Variants in SMG1 observed in about 807,000 individuals in gnomAD.
SMG1 encodes serine/threonine-protein kinase SMG1.
In SMG1, 22 loss-of-function variants were observed where a neutral mutation model predicts 419.9. The observed-to-expected ratio is 0.05, with a 90% CI of 0.04 to 0.07. The LOEUF is 0.07. Ranked by LOEUF, SMG1 falls within the 10% of genes least tolerant of loss-of-function variation. SMG1 has a pLI of 1.00. For missense variants in SMG1, 3,185 were observed against 4,342.0 expected, an observed-to-expected ratio of 0.73 and a Z score of 7.49; for synonymous variants, 1,538 against 1,553.5, an observed-to-expected ratio of 0.99 and a Z score of 0.23.
Position 18,838,351 on chromosome 16 carries a change from G to A in SMG1, c.7194+6C>T, listed in dbSNP as rs535745404. 2.2e-5 allele frequency: 35 copies of A among 1,606,732 alleles called. No individual in the cohort carries two copies. Among genetic ancestry groups the A allele is most frequent in the Middle Eastern group, 3.3e-4 (2 of 6,010 alleles). On this transcript the variant is annotated splice_donor_region_variant and intron_variant, in intron 44 of 62. Coordinates refer to ENST00000446231, the MANE Select transcript of SMG1 (RefSeq NM_015092.5). Reference sequence around the variant, plus strand: ...ACACTAAAAGGGAGAAGAGAAAACAGCATACCTGCTCACATGAAAGCCTAA... The same window carrying A: ...ACACTAAAAGGGAGAAGAGAAAACAACATACCTGCTCACATGAAAGCCTAA...
chr16:18,905,796 G>A (rs1451804954), intron 1 of SMG1, among the ~76,000 whole-genome samples: 1 of 151,904 alleles, frequency 6.6e-6, no homozygotes, highest in Non-Finnish European at 1.5e-5. Context: ...ATTTTTAGTA[G>A]AGACGGGGTT....
At chr16:18,895,691 A>T (rs1044979842) in intron 3 of SMG1, among the ~76,000 whole-genome samples, 1 of 120,416 alleles carries the variant, frequency 8.3e-6, no homozygotes, top group African/African-American at 3.6e-5. Context: ...CTTAAAAGAG[A>T]AAAAAAAAAA....
intron 45 of SMG1, 89 bp downstream of exon 45, chr16:18,837,925 A>T: frequency 7.1e-7 from 1 of 1,412,104 alleles, no homozygotes; most frequent in Non-Finnish European, 9.7e-7. Context: ...CAAAAAAATT[A>T]GAGAAACAAT....
chr16:18,904,784 T>C (rs1395504313), intron 1 of SMG1, among the ~76,000 whole-genome samples: 2 of 144,358 alleles, frequency 1.4e-5, no homozygotes, highest in East Asian at 4.3e-4. Context: ...AAAATACAAA[T>C]ATCAGCCAGG....
At chr16:18,896,409 C>G (rs1278719670) in intron 2 of SMG1, among the ~76,000 whole-genome samples, 1 of 151,954 alleles carries the variant, frequency 6.6e-6, no homozygotes. Context: ...TATTTTGATC[C>G]CTTCATTGGA....
chr16:18,851,871 G>C (rs1030321805), intron 33 of SMG1, among the ~76,000 whole-genome samples, 196 bp downstream of exon 33: 1 of 151,944 alleles, frequency 6.6e-6, no homozygotes, highest in Non-Finnish European at 1.5e-5. Flanking sequence ...AGGACTCTAA[G>C]GAAATGCCTT....
In SMG1 at chr16:18,842,098, A is replaced by G. The variant is rs2033960744; in HGVS notation, c.6466+110T>C. On this transcript the variant is annotated intron_variant, in intron 40 of 62. Transcript: ENST00000446231. ...TATAGGGCACTGCAGGCTAATAATG[A>G]CATACAGAAATTCGCCTGAAATAAT... 8.4e-6 allele frequency: 10 copies of G among 1,187,804 alleles called. No homozygotes were observed. In the South Asian group the frequency reaches 1.6e-4, roughly 18 times the overall value. The allele number at this position is 1,187,804 out of a possible 1,614,324, so 73.6% of individuals were successfully genotyped here. A position where few individuals can be genotyped will look rare whatever the true frequency, so the allele number is the denominator to read the frequency against.
chr16:18,829,552 G>C lies in SMG1; in HGVS notation c.9337C>G (p.Leu3113Val). Residue 3113 changes from leucine (L) to valine (V), a missense_variant, in exon 54 of 63, where the codon CTG becomes GTG. This residue lies in a region of SMG1 where 737 missense variants were observed against 846.6 expected (regional missense o/e 0.87). Coordinates refer to ENST00000446231, the MANE Select transcript of SMG1 (RefSeq NM_015092.5). ...GLTLCSFISALGVDIIAQVEA... is the reference protein window; with the variant it reads ...GLTLCSFISAVGVDIIAQVEA... ...ACTTGAGCAATGATGTCTACACCCA[G>C]AGCACTGATAAAACTGCACAGTGTG... The C allele has an allele frequency of 6.2e-7, 1 of 1,614,006 alleles. No homozygotes were observed. The highest frequency in any genetic ancestry group is 8.5e-7 in the Non-Finnish European group (1 of 1,179,890).
chr16:18,835,913 A>C lies in SMG1; in HGVS notation c.8057+20T>G. The C allele has an allele frequency of 6.5e-7, 1 of 1,547,050 alleles. No homozygotes were observed. ...GACTCCGTCTCAAAAATAAAAGAAAATTAAGCACTATCAACTTACTTCCTA... is the reference window on the plus strand; with the variant it reads ...GACTCCGTCTCAAAAATAAAAGAAACTTAAGCACTATCAACTTACTTCCTA... On this transcript the variant is annotated intron_variant, in intron 48 of 62. Transcript: ENST00000446231.
At chr16:18,846,398 A>G (rs935251205) in intron 38 of SMG1, among the ~76,000 whole-genome samples, 2 of 152,218 alleles carry the variant, frequency 1.3e-5, no homozygotes, top group African/African-American at 4.8e-5. Flanking sequence ...ACTTTTGTAA[A>G]TCAAAAAATA....
At chr16:18,880,056 G>C (rs2141694319) in intron 10 of SMG1, among the ~76,000 whole-genome samples, 1 of 152,248 alleles carries the variant, frequency 6.6e-6, no homozygotes, top group South Asian at 2.1e-4. Context: ...AACAGTAATG[G>C]TATTGACAGC....
chr16:18,891,885 C>A (rs1282425291), intron 4 of SMG1, among the ~76,000 whole-genome samples: 1 of 152,172 alleles, frequency 6.6e-6, no homozygotes, highest in African/African-American at 2.4e-5. Context: ...TCACTGCAAC[C>A]CTGAATTCCT....
intron 1 of SMG1, among the ~76,000 whole-genome samples, chr16:18,921,901 T>C (rs2038214120): frequency 6.6e-6 from 1 of 152,236 alleles, no homozygotes; most frequent in Non-Finnish European, 1.5e-5. Context: ...AAGGTCTTTT[T>C]ATTATACAGT....
intron 38 of SMG1, 121 bp from the exon 39 acceptor site, chr16:18,845,772 A>G (rs1181456125): frequency 1.5e-6 from 1 of 658,424 alleles, no homozygotes; most frequent in East Asian, 2.6e-5. Flanking sequence ...AAGTCTAAAT[A>G]AAGCAATAAC....
chr16:18,861,261 C>A (rs2035203768), intron 25 of SMG1: 2 of 152,028 alleles, frequency 1.3e-5, no homozygotes, highest in South Asian at 4.2e-4. Flanking sequence ...CTCCGTCTCT[C>A]CCTTTTTCAC....
chr16:18,871,433 ACTT>A lies in SMG1; in HGVS notation c.2230_2232del (p.Lys744del). The A allele has an allele frequency of 6.2e-7, 1 of 1,603,618 alleles. No homozygotes were observed. The highest frequency in any genetic ancestry group is 1.1e-5 in the South Asian group (1 of 88,916). ...GAGAATAAAGGTGCGTATGTTTCAGACTTCTTCATTAAAACAGCTGCTTCCAAA... is the reference window on the plus strand; with the variant it reads ...GAGAATAAAGGTGCGTATGTTTCAGACTTCATTAAAACAGCTGCTTCCAAA... On this transcript the variant is annotated inframe_deletion, in exon 16 of 63. Transcript: ENST00000446231.
In SMG1 at chr16:18,853,565, C is replaced by T; in HGVS notation, c.4768+18G>A. On this transcript the variant is annotated intron_variant, in intron 31 of 62. Coordinates refer to ENST00000446231, the MANE Select transcript of SMG1 (RefSeq NM_015092.5). ...AGCTTCTAAAATTAATATTCTAAAG[C>T]TAATAAAGCAACTCTACCTGTAGAT... is the stretch of plus-strand genomic sequence containing the variant. The T allele has an allele frequency of 3.9e-6, 6 of 1,526,462 alleles. No homozygotes were observed. The South Asian group carries it at 7.7e-5, about 20-fold the overall frequency. The allele number at this position is 1,526,462 out of a possible 1,614,324, so 94.6% of individuals were successfully genotyped here.
At chr16:18,877,467 TG>T (rs1458066993) in intron 11 of SMG1, 2 of 375,020 alleles carry the variant, frequency 5.3e-6, no homozygotes, top group Non-Finnish European at 9.9e-6. Flanking sequence ...GAGGAAGGAG[TG>T]GGTGGAACAT....
intron 1 of SMG1, among the ~76,000 whole-genome samples, chr16:18,910,612 A>ACCT (rs1392735717): frequency 3.3e-5 from 5 of 150,286 alleles, no homozygotes; most frequent in Admixed American, 2.0e-4. Context: ...TGATCCACCC[A>ACCT]CCTCCCTGCC....
Sources: allele counts gnomAD v4.1 joint callset (sites outside exome capture counted in the v4.1 genomes callset), GRCh38; gene constraint gnomAD v4.1.1; regional missense constraint gnomAD v4.1.1; transcripts MANE v1.5; gene names NCBI Gene and HGNC (gene_info 2026-07-23, HGNC 2026-07-21).